The following RASSF2 variants were observed in gnomAD, a reference collection of about 807,000 sequenced individuals.
RASSF2 encodes ras association domain-containing protein 2.
A neutral mutation model predicts 46.3 loss-of-function variants in RASSF2; 34 were observed. The ratio of observed to expected loss-of-function variants is 0.73; its 90% CI spans 0.56 to 0.98. The LOEUF (loss-of-function observed/expected upper bound fraction) is 0.98. Ranked by LOEUF, RASSF2 falls within the 50% of genes least tolerant of loss-of-function variation. The probability of loss-of-function intolerance (pLI) is 0.00; values close to 1 mark genes in which losing one functional copy is unlikely to be tolerated. For missense variants in RASSF2, 364 were observed against 431.2 expected (o/e 0.84, Z 1.38); for synonymous variants, 158 against 162.5 (o/e 0.97, Z 0.21).
At chr20:4,809,303 C>T (rs1052666443) in intron 2 of RASSF2, among the ~76,000 whole-genome samples, 6 of 152,148 alleles carry the variant, frequency 3.9e-5, no homozygotes, top group African/African-American at 1.4e-4. Flanking sequence ...GATGACATCC[C>T]AGCCACAGAG....
rs1311978078 is a variant in RASSF2 at position 4,781,599 on chromosome 20, A to C, written c.*2674T>G. On this transcript the variant is annotated 3_prime_UTR_variant, in exon 12 of 12. Coordinates refer to ENST00000379400, the MANE Select transcript of RASSF2 (RefSeq NM_014737.3). Reference sequence around the variant, plus strand: ...CCTTCCCTCTCATGTGATCACAGAGAATGTGACCTTGTGCTTAATTCCACC... The same window carrying C: ...CCTTCCCTCTCATGTGATCACAGAGCATGTGACCTTGTGCTTAATTCCACC... 2 of 152,158 alleles carry C rather than the reference A, an allele frequency of 1.3e-5. No homozygotes were observed. Among genetic ancestry groups the C allele is most frequent in the Non-Finnish European group, 2.9e-5 (2 of 68,032 alleles). 9.4% of individuals were successfully genotyped at this position (152,158 alleles called of 1,614,324 possible).
chr20:4,813,537 C>T (rs759127769), intron 2 of RASSF2, among the ~76,000 whole-genome samples: 1 of 152,238 alleles, frequency 6.6e-6, no homozygotes, highest in Non-Finnish European at 1.5e-5. Context: ...AGACAATGGC[C>T]TCGCAGACCG....
chr20:4,818,266 C>CAA (rs796191821), intron 2 of RASSF2, among the ~76,000 whole-genome samples: 4 of 141,518 alleles, frequency 2.8e-5, no homozygotes, highest in Admixed American at 7.1e-5. Flanking sequence ...GACTCCAACT[C>CAA]AAAAAAAAAA....
chr20:4,800,851 G>A, intron 3 of RASSF2, 121 bp downstream of exon 3: 1 of 809,756 alleles, frequency 1.2e-6, no homozygotes, highest in South Asian at 1.4e-5. Flanking sequence ...CTTCCCCCAT[G>A]CAGGAGCCCC....
intron 10 of RASSF2, among the ~76,000 whole-genome samples, chr20:4,787,066 A>G (rs1371661644): frequency 6.6e-6 from 1 of 152,082 alleles, no homozygotes; most frequent in East Asian, 1.9e-4. Context: ...CCAAAAAAAA[A>G]AAAAAAGTTA....
chr20:4,808,965 A>C (rs1424358895), intron 2 of RASSF2, among the ~76,000 whole-genome samples: 1 of 152,266 alleles, frequency 6.6e-6, no homozygotes, highest in Non-Finnish European at 1.5e-5. Context: ...ATGTCTGCCA[A>C]AATAGCTGGA....
Position 4,784,183 on chromosome 20 carries a change from T to C in RASSF2, c.*90A>G. 1.5e-6 allele frequency: 2 copies of C among 1,355,254 alleles called. No homozygotes were observed. The highest frequency in any genetic ancestry group is 2.3e-5 in the East Asian group (1 of 43,552). 84.0% of individuals were successfully genotyped at this position (1,355,254 alleles called of 1,614,324 possible). A position where few individuals can be genotyped will look rare whatever the true frequency, so the allele number is the denominator to read the frequency against. On this transcript the variant is annotated 3_prime_UTR_variant, in exon 12 of 12. Coordinates refer to ENST00000379400, the MANE Select transcript of RASSF2 (RefSeq NM_014737.3). ...GGAGCTGGGGAGGTTTGTGTCTAAATGTTTCCATGGAAAGAAAGTGCCTAG... is the reference window on the plus strand; with the variant it reads ...GGAGCTGGGGAGGTTTGTGTCTAAACGTTTCCATGGAAAGAAAGTGCCTAG...
intron 11 of RASSF2, among the ~76,000 whole-genome samples, chr20:4,785,638 G>A (rs1925260718): frequency 6.6e-6 from 1 of 152,146 alleles, no homozygotes; most frequent in Non-Finnish European, 1.5e-5. Flanking sequence ...GGATTTTGGA[G>A]GCCAGTAGCT....
chr20:4,801,155 C>A, intron 2 of RASSF2, 93 bp from the exon 3 acceptor site: 1 of 874,700 alleles, frequency 1.1e-6, no homozygotes, highest in Non-Finnish European at 1.9e-6. Context: ...CAAAATTGGA[C>A]GCCATGGCTC....
At chr20:4,788,139 G>C in intron 9 of RASSF2, 78 bp downstream of exon 9, 3 of 1,311,354 alleles carry the variant, frequency 2.3e-6, no homozygotes, top group Non-Finnish European at 3.3e-6. Context: ...AACAAGCAAA[G>C]GAGGCAGAGG....
At chr20:4,792,648 G>T in intron 5 of RASSF2, 21 bp from the exon 6 acceptor site, 1 of 1,612,528 alleles carries the variant, frequency 6.2e-7, no homozygotes, top group Non-Finnish European at 8.5e-7. Flanking sequence ...AGAAGACAAA[G>T]GGGAGGGGGG....
intron 11 of RASSF2, among the ~76,000 whole-genome samples, chr20:4,784,617 G>GT (rs1190822039): frequency 2.6e-5 from 3 of 115,228 alleles, no homozygotes; most frequent in East Asian, 2.6e-4. Context: ...AAAAAAAAAG[G>GT]TAAAAAAAAA....
chr20:4,803,011 G>A (rs1927024799), intron 2 of RASSF2, among the ~76,000 whole-genome samples: 1 of 151,300 alleles, frequency 6.6e-6, no homozygotes, highest in African/African-American at 2.4e-5. Flanking sequence ...CCAGGCTGAA[G>A]TGATCCTCCC....
At chr20:4,793,500 A>G (rs1053516841) in intron 5 of RASSF2, among the ~76,000 whole-genome samples, 7 of 152,218 alleles carry the variant, frequency 4.6e-5, no homozygotes, top group African/African-American at 1.7e-4. Context: ...TTTAACTCAT[A>G]TACTTCTGAA....
At chr20:4,817,992 C>A (rs552339266) in intron 2 of RASSF2, among the ~76,000 whole-genome samples, 10 of 152,304 alleles carry the variant, frequency 6.6e-5, no homozygotes, top group Non-Finnish European at 1.2e-4. Flanking sequence ...ATTAGCCAGA[C>A]GCAGTGGCTC....
intron 2 of RASSF2, among the ~76,000 whole-genome samples, chr20:4,811,127 G>C (rs1298097112): frequency 7.0e-6 from 1 of 142,652 alleles, no homozygotes. Context: ...CACAAGGACA[G>C]CTTGGGGCCA....
Position 4,795,732 on chromosome 20 carries a change from A to G in RASSF2, c.287+83T>C. 3.3e-6 allele frequency: 5 copies of G among 1,497,330 alleles called. No homozygotes were observed. Among genetic ancestry groups the G allele is most frequent in the Non-Finnish European group, 4.5e-6 (5 of 1,109,200 alleles). 92.8% of individuals were successfully genotyped at this position (1,497,330 alleles called of 1,614,324 possible). A position where few individuals can be genotyped will look rare whatever the true frequency, so the allele number is the denominator to read the frequency against. The stretch of plus-strand genomic sequence containing the variant: ...GGAGCCAGGGTCAGGGCTGGCTGGA[A>G]GAAGGCAGCATTTATCTGCTTGAGA... On this transcript the variant is annotated intron_variant, in intron 5 of 11. Coordinates refer to ENST00000379400, the MANE Select transcript of RASSF2 (RefSeq NM_014737.3). The surrounding 1 kb of genome is among the most constrained non-coding windows in gnomAD (Gnocchi z 4.0).
Position 4,790,614 on chromosome 20 carries a change from G to C in RASSF2, c.377-3C>G. ...CAGGGGCTTCAGGCCCCTGGAGTCT[G>C]AGAGAGGAGAGGGAAATGAACTCTG... is the stretch of plus-strand genomic sequence containing the variant. On this transcript the variant is annotated splice_region_variant and splice_polypyrimidine_tract_variant and intron_variant, in intron 6 of 11. Coordinates refer to ENST00000379400, the MANE Select transcript of RASSF2 (RefSeq NM_014737.3). This position sits in a 1 kb window ranked among gnomAD's most constrained non-coding sequence, Gnocchi z 4.3. The C allele has an allele frequency of 1.3e-6, 2 of 1,516,840 alleles. No homozygotes were observed. Among genetic ancestry groups the C allele is most frequent in the Non-Finnish European group, 1.7e-6 (2 of 1,144,320 alleles). 94.0% of individuals were successfully genotyped at this position (1,516,840 alleles called of 1,614,324 possible). A position where few individuals can be genotyped will look rare whatever the true frequency, so the allele number is the denominator to read the frequency against.
intron 4 of RASSF2, 38 bp from the exon 5 acceptor site, chr20:4,796,004 GC>G: frequency 6.8e-7 from 1 of 1,461,162 alleles, no homozygotes; most frequent in Non-Finnish European, 9.1e-7. Context: ...GCCTAGAAAA[GC>G]CCCCACAGAA....
Sources: allele counts gnomAD v4.1 joint callset (sites outside exome capture counted in the v4.1 genomes callset), GRCh38; gene constraint gnomAD v4.1.1; non-coding constraint Gnocchi (gnomAD v3.1); transcripts MANE v1.5; gene names NCBI Gene and HGNC (gene_info 2026-07-23, HGNC 2026-07-21).